The following CMIP variants were observed in gnomAD, a reference collection of about 807,000 sequenced individuals.
The protein encoded by CMIP is C-Maf-inducing protein.
CMIP carries 13 observed loss-of-function variants against 97.3 expected under a neutral mutation model. The ratio of observed to expected loss-of-function variants is 0.13; its 90% CI spans 0.09 to 0.21. The LOEUF (loss-of-function observed/expected upper bound fraction) is 0.21. CMIP is among the 10% of genes least tolerant of loss of function. The probability of loss-of-function intolerance (pLI) is 1.00; values close to 1 mark genes in which losing one functional copy is unlikely to be tolerated. For synonymous variants in CMIP, 538 were observed against 436.3 expected (o/e 1.23, Z -2.91); for missense variants, 847 against 1,024.9 (o/e 0.83, Z 2.37).
rs148658785 is a variant in CMIP at position 81,507,799 on chromosome 16, T to C, written c.300+62258T>C. Among the ~76,000 whole-genome samples, 638 of 152,294 alleles carry C rather than the reference T, an allele frequency of 4.2e-3. 1 individual carries two copies. The highest frequency in any genetic ancestry group is 6.2e-3 in the Non-Finnish European group (425 of 68,026). ...AGATCACTTTGCGTTTGCCCTGCTT[T>C]ATATTTGGGGTTCTTGGGGGAACAA... On this transcript the variant is annotated intron_variant, in intron 1 of 20. Coordinates refer to ENST00000537098, the MANE Select transcript of CMIP (RefSeq NM_198390.3).
At chr16:81,705,263 C>G (rs72831133) in intron 18 of CMIP, among the ~76,000 whole-genome samples, 15,060 of 152,242 alleles carry the variant, frequency 0.099, 820 homozygotes, top group Non-Finnish European at 0.11. Flanking sequence ...AAAACTGACT[C>G]CAAGGGGGCC....
chr16:81,576,415 A>C (rs1462272679), intron 1 of CMIP, among the ~76,000 whole-genome samples: 1 of 152,058 alleles, frequency 6.6e-6, no homozygotes, highest in East Asian at 1.9e-4. Context: ...AAAAACGGGG[A>C]AAAACAAACA....
intron 3 of CMIP, among the ~76,000 whole-genome samples, chr16:81,635,986 G>A (rs2092229556): frequency 6.6e-6 from 1 of 152,140 alleles, no homozygotes; most frequent in Non-Finnish European, 1.5e-5. Context: ...GTGGCGGGAG[G>A]GAGGGCCGTG....
intron 11 of CMIP, among the ~76,000 whole-genome samples, chr16:81,692,376 A>G (rs1906189156): frequency 6.6e-6 from 1 of 152,160 alleles, no homozygotes; most frequent in Middle Eastern, 3.2e-3. Flanking sequence ...CCCTAGCACC[A>G]TATTGAATTG....
At chr16:81,547,682 C>A (rs1035753298) in intron 1 of CMIP, among the ~76,000 whole-genome samples, 4 of 151,986 alleles carry the variant, frequency 2.6e-5, no homozygotes, top group Admixed American at 2.6e-4. Context: ...ATTGAGTGTC[C>A]GTTAGTTCAG....
At chr16:81,650,276 C>T (rs1272008036) in intron 3 of CMIP, among the ~76,000 whole-genome samples, 1 of 152,212 alleles carries the variant, frequency 6.6e-6, no homozygotes, top group Non-Finnish European at 1.5e-5. Context: ...GCTGCCCTGG[C>T]CTCCTCTGCT....
At chr16:81,480,070 C>T (rs1908166613) in intron 1 of CMIP, among the ~76,000 whole-genome samples, 1 of 152,212 alleles carries the variant, frequency 6.6e-6, no homozygotes, top group Non-Finnish European at 1.5e-5. Flanking sequence ...TGGCTTTGGT[C>T]TGGGGGAGGT....
intron 1 of CMIP, among the ~76,000 whole-genome samples, chr16:81,601,161 G>A (rs1270246100): frequency 6.6e-6 from 1 of 152,224 alleles, no homozygotes; most frequent in African/African-American, 2.4e-5. Context: ...GACTGGGCAA[G>A]GTTTCTCTGG....
At chr16:81,480,522 A>G (rs929628510) in intron 1 of CMIP, among the ~76,000 whole-genome samples, 1 of 152,238 alleles carries the variant, frequency 6.6e-6, no homozygotes, top group African/African-American at 2.4e-5. Context: ...CCTGGGCGAC[A>G]GAGTGAGACT....
chr16:81,527,342 G>A (rs1204353623), intron 1 of CMIP, among the ~76,000 whole-genome samples: 1 of 152,078 alleles, frequency 6.6e-6, no homozygotes, highest in East Asian at 1.9e-4. Context: ...ATGCCTGATG[G>A]ACGGGTAAAG....
intron 1 of CMIP, among the ~76,000 whole-genome samples, chr16:81,583,512 G>C (rs1433156513): frequency 1.3e-5 from 2 of 152,270 alleles, no homozygotes; most frequent in African/African-American, 4.8e-5. Context: ...CCTGGGCAGA[G>C]AGCGGGACCA....
In CMIP at chr16:81,652,426, C is replaced by G. The variant is rs768753181; in HGVS notation, c.639+62C>G. On this transcript the variant is annotated intron_variant, in intron 4 of 20. Coordinates refer to ENST00000537098, the MANE Select transcript of CMIP (RefSeq NM_198390.3). The surrounding 1 kb of genome is among the most constrained non-coding windows in gnomAD (Gnocchi z 5.2). ...CCTTTCCCTCCACCGATCACCGGCTCCATGCCAAGCAGCAGGCGCAGGCAG... is the reference window on the plus strand; with the variant it reads ...CCTTTCCCTCCACCGATCACCGGCTGCATGCCAAGCAGCAGGCGCAGGCAG... 7.0e-7 allele frequency: 1 copy of G among 1,427,844 alleles called. No homozygotes were observed. Among genetic ancestry groups the G allele is most frequent in the Non-Finnish European group, 9.7e-7 (1 of 1,032,202 alleles). 88.4% of individuals were successfully genotyped at this position (1,427,844 alleles called of 1,614,324 possible). A position where few individuals can be genotyped will look rare whatever the true frequency, so the allele number is the denominator to read the frequency against.
Position 81,678,638 on chromosome 16 carries a change from C to T in CMIP, c.1388+10C>T, listed in dbSNP as rs371495274. 7.8e-6 allele frequency: 11 copies of T among 1,406,270 alleles called. No individual in the cohort carries two copies. The South Asian group carries it at 1.3e-4, about 17-fold the overall frequency. The allele number at this position is 1,406,270 out of a possible 1,614,324, so 87.1% of individuals were successfully genotyped here. ...AAATCCTCAAGCTGCTGTGAGTGCC[C>T]CCCCCGCGTGCCCGCCCCCGGGGCC... On this transcript the variant is annotated intron_variant, in intron 10 of 20. Transcript: ENST00000537098.
chr16:81,513,113 C>T lies in CMIP; in HGVS notation c.300+67572C>T, dbSNP rs114986576. ...TTGGCCCATTTTTGGCTGGTGGGAG[C>T]TTTTGAGTTTTGATTTTGATCCCTT... On this transcript the variant is annotated intron_variant, in intron 1 of 20. Coordinates refer to ENST00000537098, the MANE Select transcript of CMIP (RefSeq NM_198390.3). 4.7e-3 allele frequency among the ~76,000 whole-genome samples: 716 copies of T among 152,314 alleles called. 6 individuals are homozygous for T. The highest frequency in any genetic ancestry group is 0.016 in the African/African-American group (684 of 41,568).
chr16:81,513,955 G>A (rs183288758), intron 1 of CMIP, among the ~76,000 whole-genome samples: 1 of 152,346 alleles, frequency 6.6e-6, no homozygotes, highest in African/African-American at 2.4e-5. Flanking sequence ...TGGGGCTAGA[G>A]GAAGGCTTTG....
chr16:81,584,177 C>T (rs1387930211), intron 1 of CMIP, among the ~76,000 whole-genome samples: 3 of 152,142 alleles, frequency 2.0e-5, no homozygotes, highest in African/African-American at 7.2e-5. Flanking sequence ...CCCTAGCGCC[C>T]ACCAGCACCA....
At chr16:81,705,678 C>A in intron 19 of CMIP, 74 bp downstream of exon 19, 2 of 952,922 alleles carry the variant, frequency 2.1e-6, no homozygotes, top group Non-Finnish European at 3.2e-6. Context: ...CCAAACTGGC[C>A]AAGCACTGAC....
At chr16:81,629,269 A>G (rs1310662760) in intron 3 of CMIP, among the ~76,000 whole-genome samples, 4 of 150,826 alleles carry the variant, frequency 2.7e-5, no homozygotes, top group Non-Finnish European at 4.4e-5. Context: ...CCGCTGTCAG[A>G]CCACCTCTCC....
At chr16:81,537,419 C>T (rs925984930) in intron 1 of CMIP, among the ~76,000 whole-genome samples, 2 of 151,866 alleles carry the variant, frequency 1.3e-5, no homozygotes, top group Non-Finnish European at 2.9e-5. Flanking sequence ...CCTGTAGTTG[C>T]AGCCACTTGG....
Sources: gnomAD v4.1 joint callset for allele counts (sites outside exome capture counted in the v4.1 genomes callset) on GRCh38, gnomAD v4.1.1 for gene constraint, Gnocchi (gnomAD v3.1) non-coding constraint, MANE v1.5 for transcripts, NCBI Gene and HGNC (gene_info 2026-07-23, HGNC 2026-07-21) for gene names.